The following STK31 variants were observed in gnomAD, a reference collection of about 807,000 sequenced individuals.
STK31 encodes the protein serine/threonine-protein kinase 31.
In STK31, 89 loss-of-function variants were observed where a neutral mutation model predicts 129.7. That is an observed-to-expected ratio of 0.69 (90% CI 0.58 to 0.82). The LOEUF (loss-of-function observed/expected upper bound fraction) is 0.82. Ranked by LOEUF, STK31 falls within the 40% of genes least tolerant of loss-of-function variation. The pLI is 0.00. For missense variants in STK31, 1,187 were observed against 1,176.4 expected, an observed-to-expected ratio of 1.01 and a Z score of -0.13; for synonymous variants, 448 against 395.3, an observed-to-expected ratio of 1.13 and a Z score of -1.58.
At chr7:23,806,756 C>T (rs1274101208) in intron 22 of STK31, among the ~76,000 whole-genome samples, 14 of 151,910 alleles carry the variant, frequency 9.2e-5, no homozygotes, top group Admixed American at 4.6e-4. Context: ...AAAAATCAGC[C>T]GGGCGTGTTG....
intron 20 of STK31, 26 bp from the exon 21 acceptor site, chr7:23,787,954 C>G: frequency 6.7e-7 from 1 of 1,485,974 alleles, no homozygotes; most frequent in East Asian, 2.4e-5. Flanking sequence ...TACTTCCTCA[C>G]TTCTTTTATG....
Position 23,810,731 on chromosome 7 carries a change from G to GATATATATAAAATAGAT in STK31, c.2761-4405_2761-4389dup, listed in dbSNP as rs1554297510. On this transcript the variant is annotated intron_variant, in intron 22 of 23. Transcript: ENST00000355870. ...ATATAAAATAGATATATATAAAATAGATATATATAAAATAGATATATATAA... is the reference window on the plus strand; with the variant it reads ...ATATAAAATAGATATATATAAAATAGATATATATAAAATAGATATATATATAAAATAGATATATATAA... 2.2e-3 allele frequency among the ~76,000 whole-genome samples: 139 copies of GATATATATAAAATAGAT among 63,650 alleles called. 1 individual carries two copies. Among genetic ancestry groups the GATATATATAAAATAGAT allele is most frequent in the Middle Eastern group, 7.5e-3 (1 of 134 alleles). 41.8% of individuals were successfully genotyped at this position (63,650 alleles called of 152,430 possible). A position where few individuals can be genotyped will look rare whatever the true frequency, so the allele number is the denominator to read the frequency against.
intron 22 of STK31, among the ~76,000 whole-genome samples, chr7:23,792,625 A>G (rs1045179472): frequency 4.6e-5 from 7 of 152,226 alleles, no homozygotes; most frequent in Non-Finnish European, 8.8e-5. Context: ...TACAATTAAT[A>G]TAAAAATGGA....
intron 22 of STK31, among the ~76,000 whole-genome samples, chr7:23,800,334 A>T (rs1181279016): frequency 6.6e-6 from 1 of 152,184 alleles, no homozygotes; most frequent in Non-Finnish European, 1.5e-5. Context: ...ACCAACCCAA[A>T]TACCCATCAG....
In STK31 at chr7:23,805,092, T is replaced by A. The variant is rs560321249; in HGVS notation, c.2761-10052T>A. On this transcript the variant is annotated intron_variant, in intron 22 of 23. Transcript: ENST00000355870. ...ATTTCTCTCTCTCTCTTTTTTTTTTTTGAGACGGAGTCTTGCTCTGTCGCC... is the reference window on the plus strand; with the variant it reads ...ATTTCTCTCTCTCTCTTTTTTTTTTATGAGACGGAGTCTTGCTCTGTCGCC... Among the ~76,000 whole-genome samples, 5 of 152,274 alleles carry A rather than the reference T, an allele frequency of 3.3e-5. No individual in the cohort carries two copies. In the East Asian group the frequency reaches 9.6e-4, roughly 29 times the overall value.
At chr7:23,757,282 G>C (rs1789149562) in intron 10 of STK31, among the ~76,000 whole-genome samples, 1 of 151,772 alleles carries the variant, frequency 6.6e-6, no homozygotes, top group Non-Finnish European at 1.5e-5. Flanking sequence ...AAAAGAAAGA[G>C]ACACAGAGAC....
chr7:23,772,069 C>A, intron 14 of STK31, 78 bp from the exon 15 acceptor site: 1 of 1,121,184 alleles, frequency 8.9e-7, no homozygotes, highest in Non-Finnish European at 1.2e-6. Context: ...TGAATCTTAA[C>A]AGAGAAATAA....
intron 1 of STK31, among the ~76,000 whole-genome samples, chr7:23,711,334 G>A (rs1412421629): frequency 1.3e-5 from 2 of 152,076 alleles, no homozygotes; most frequent in Non-Finnish European, 1.5e-5. Flanking sequence ...CTACTTGGGA[G>A]GGTGAGGCAG....
chr7:23,730,857 TA>T lies in STK31; in HGVS notation c.483+1609del, dbSNP rs1562554992. 5.9e-3 allele frequency among the ~76,000 whole-genome samples: 317 copies of T among 53,748 alleles called. 2 individuals are homozygous for T. The highest frequency in any genetic ancestry group is 0.019 in the African/African-American group (296 of 15,982). The allele number at this position is 53,748 out of a possible 152,430, so 35.3% of individuals were successfully genotyped here. On this transcript the variant is annotated intron_variant, in intron 6 of 23. Coordinates refer to ENST00000355870, the MANE Select transcript of STK31 (RefSeq NM_031414.5). ...ATATATGGTACTGTATATAAACATT[TA>T]TATATATATATATATATATATTTTT...
At chr7:23,756,251 T>A (rs1342837901) in intron 10 of STK31, among the ~76,000 whole-genome samples, 1 of 152,226 alleles carries the variant, frequency 6.6e-6, no homozygotes, top group Non-Finnish European at 1.5e-5. Context: ...TTATTCTGTT[T>A]GTAGCAATTG....
At chr7:23,768,073 C>G (rs571851490) in intron 11 of STK31, among the ~76,000 whole-genome samples, 16 of 152,008 alleles carry the variant, frequency 1.1e-4, no homozygotes, top group African/African-American at 3.6e-4. Context: ...CCAGCCAGGC[C>G]AATTCATTAA....
chr7:23,717,097 C>CCT (rs1786381897), intron 3 of STK31, among the ~76,000 whole-genome samples: 11 of 42,956 alleles, frequency 2.6e-4, no homozygotes, highest in Non-Finnish European at 4.6e-4. Flanking sequence ...TCGCAACCTG[C>CCT]TTTTTTTTTT....
At chr7:23,805,480 ATTTTTTAT>A (rs1247099096) in intron 22 of STK31, among the ~76,000 whole-genome samples, 1 of 151,968 alleles carries the variant, frequency 6.6e-6, no homozygotes, top group Admixed American at 6.6e-5. Flanking sequence ...ATTTGTTTTT[ATTTTTTAT>A]TTTTTTATTT....
intron 17 of STK31, 148 bp from the exon 18 acceptor site, chr7:23,785,329 AC>A: frequency 9.4e-7 from 1 of 1,066,448 alleles, no homozygotes; most frequent in African/African-American, 1.6e-5. Flanking sequence ...TGGAGAAAGT[AC>A]ACAGTTTTAA....
At chr7:23,808,970 T>TGTGTGTGTGCGC (rs60631283) in intron 22 of STK31, among the ~76,000 whole-genome samples, 10 of 139,556 alleles carry the variant, frequency 7.2e-5, no homozygotes, top group South Asian at 2.5e-4. Context: ...TGTGTGTGTG[T>TGTGTGTGTGCGC]GCCTGTGTCT....
rs1405497281 is a variant in STK31, at chr7:23,832,349, G to A, written c.3043G>A (p.Ala1015Thr). 1.2e-6 allele frequency: 2 copies of A among 1,608,244 alleles called. No homozygotes were observed. The highest frequency in any genetic ancestry group is 2.2e-5 in the South Asian group (2 of 89,462). ...KCMEKTRNGE[A>T]NFDC Reference sequence around the variant, plus strand: ...TATGGAGAAGACAAGAAATGGTGAAGCCAACTTTGATTGTTAAATTATTAT... The same window carrying A: ...TATGGAGAAGACAAGAAATGGTGAAACCAACTTTGATTGTTAAATTATTAT... The change falls in exon 24 of 24, where the codon GCC becomes ACC. Residue 1015 changes from alanine (A) to threonine (T), a missense_variant. Coordinates refer to ENST00000355870, the MANE Select transcript of STK31 (RefSeq NM_031414.5).
chr7:23,746,411 T>G (rs541357770), intron 8 of STK31, among the ~76,000 whole-genome samples: 1 of 152,238 alleles, frequency 6.6e-6, no homozygotes, highest in Non-Finnish European at 1.5e-5. Flanking sequence ...CTTCCTTCCT[T>G]TATGTGTTTC....
At chr7:23,713,680 A>T (rs1171009372) in intron 3 of STK31, among the ~76,000 whole-genome samples, 2 of 152,132 alleles carry the variant, frequency 1.3e-5, no homozygotes, top group Non-Finnish European at 2.9e-5. Flanking sequence ...GATCTTCAAT[A>T]TCACTGTCTT....
At chr7:23,728,355 A>C (rs1787212751) in intron 5 of STK31, among the ~76,000 whole-genome samples, 1 of 152,138 alleles carries the variant, frequency 6.6e-6, no homozygotes. Context: ...TTGGTGTGAT[A>C]AGATGCTAAG....
Sources: gnomAD v4.1 joint callset for allele counts (sites outside exome capture counted in the v4.1 genomes callset) on GRCh38, gnomAD v4.1.1 for gene constraint, MANE v1.5 for transcripts, NCBI Gene and HGNC (gene_info 2026-07-23, HGNC 2026-07-21) for gene names.